The following EIPR1 variants were observed in gnomAD, a reference collection of about 807,000 sequenced individuals.
EIPR1 encodes EARP complex and GARP complex interacting protein 1, also known as EARP and GARP complex-interacting protein 1.
Under a neutral mutation model 48.1 loss-of-function variants are expected in EIPR1, and 25 were observed. That is an observed-to-expected ratio of 0.52 (90% CI 0.38 to 0.73). EIPR1 has a LOEUF of 0.73. Among genes scored for constraint, EIPR1 ranks in the 30% least tolerant of loss-of-function variants. The pLI, the probability that EIPR1 is intolerant of heterozygous loss-of-function variation, is 0.00. For missense variants in EIPR1, 415 were observed against 506.2 expected, an observed-to-expected ratio of 0.82 and a Z score of 1.73; for synonymous variants, 204 against 201.9, an observed-to-expected ratio of 1.01 and a Z score of -0.09.
At chr2:3,200,371 G>A (rs754699374) in intron 5 of EIPR1, among the ~76,000 whole-genome samples, 16 of 152,170 alleles carry the variant, frequency 1.1e-4, no homozygotes, top group Admixed American at 2.0e-4. Flanking sequence ...GGAAAAGCGC[G>A]GGGCTTTTGT....
chr2:3,320,450 C>T (rs1669491887), intron 3 of EIPR1: 1 of 153,734 alleles, frequency 6.5e-6, no homozygotes, highest in South Asian at 2.0e-4. Context: ...CAGCCCCCAG[C>T]AACTCTGCTT....
At chr2:3,311,753 A>AGGGGGCTCCACTCGCAGGATGCTGTGGTG (rs1444554472) in intron 3 of EIPR1, among the ~76,000 whole-genome samples, 1 of 110,376 alleles carries the variant, frequency 9.1e-6, no homozygotes, top group Non-Finnish European at 1.8e-5. Context: ...CCCAGGGTGC[A>AGGGGGCTCCACTCGCAGGATGCTGTGGTG]GGGGGCTCCA....
intron 3 of EIPR1, among the ~76,000 whole-genome samples, chr2:3,294,649 CCAAA>C (rs1558279442): frequency 2.1e-4 from 26 of 124,850 alleles, no homozygotes; most frequent in Admixed American, 3.2e-4. Context: ...CATCCTCTCT[CCAAA>C]CACACACCCT....
chr2:3,360,404 CAA>C (rs1386156001), intron 1 of EIPR1, among the ~76,000 whole-genome samples: 16 of 127,210 alleles, frequency 1.3e-4, no homozygotes, highest in Admixed American at 1.7e-4. Context: ...GACTCCATCT[CAA>C]AAAAAAAAAA....
chr2:3,295,601 G>GCACA (rs1668545721), intron 3 of EIPR1, among the ~76,000 whole-genome samples: 1 of 37,622 alleles, frequency 2.7e-5, no homozygotes, highest in Admixed American at 3.3e-4. Context: ...TCCTCTCTCT[G>GCACA]CACACCCTCC....
At chr2:3,200,820 G>A (rs1189970195) in intron 5 of EIPR1, among the ~76,000 whole-genome samples, 1 of 152,128 alleles carries the variant, frequency 6.6e-6, no homozygotes, top group Non-Finnish European at 1.5e-5. Flanking sequence ...GGGCAGGGCT[G>A]GAACCAAGCA....
chr2:3,283,034 G>T (rs62121494), intron 3 of EIPR1, among the ~76,000 whole-genome samples: 1 of 152,068 alleles, frequency 6.6e-6, no homozygotes, highest in Non-Finnish European at 1.5e-5. Flanking sequence ...GCTTTATTTT[G>T]CTTATTTATT....
At chr2:3,287,130 C>T (rs1469329653) in intron 3 of EIPR1, among the ~76,000 whole-genome samples, 2 of 152,240 alleles carry the variant, frequency 1.3e-5, no homozygotes, top group African/African-American at 2.4e-5. Context: ...GCACCAAGCT[C>T]GTTCACCACG....
chr2:3,361,934 C>T (rs1252990386), intron 1 of EIPR1, among the ~76,000 whole-genome samples: 2 of 152,274 alleles, frequency 1.3e-5, no homozygotes, highest in African/African-American at 4.8e-5. Flanking sequence ...TTTCTCCCTT[C>T]ACCTACATTT....
intron 1 of EIPR1, among the ~76,000 whole-genome samples, chr2:3,361,419 C>CCT (rs1558320129): frequency 1.3e-5 from 2 of 151,956 alleles, no homozygotes; most frequent in African/African-American, 4.8e-5. Context: ...TCTGCTCTCA[C>CCT]CTCTCTCTCT....
intron 5 of EIPR1, among the ~76,000 whole-genome samples, chr2:3,211,385 C>T (rs759238074): frequency 6.6e-6 from 1 of 152,144 alleles, no homozygotes; most frequent in Non-Finnish European, 1.5e-5. Context: ...TAGAACCCAC[C>T]GACCGCCCAC....
chr2:3,246,575 C>T (rs962046240), intron 4 of EIPR1, among the ~76,000 whole-genome samples: 1 of 152,128 alleles, frequency 6.6e-6, no homozygotes, highest in African/African-American at 2.4e-5. Context: ...TTGTCTTCCC[C>T]CAGAAACTGG....
At chr2:3,322,214 G>A (rs575583574) in intron 3 of EIPR1, among the ~76,000 whole-genome samples, 86 of 152,288 alleles carry the variant, frequency 5.6e-4, no homozygotes, top group Admixed American at 9.2e-4. Context: ...TGATGGTCAC[G>A]GTGAGGACCC....
intron 4 of EIPR1, among the ~76,000 whole-genome samples, chr2:3,234,904 A>G (rs6548133): frequency 0.91 from 139,230 of 152,310 alleles, 64,131 homozygotes; most frequent in East Asian, 0.97. Context: ...TTAGCTAACC[A>G]GCTGGTCCCG....
intron 3 of EIPR1, among the ~76,000 whole-genome samples, chr2:3,288,991 G>A (rs1168885279): frequency 1.3e-5 from 2 of 152,208 alleles, no homozygotes; most frequent in African/African-American, 4.8e-5. Context: ...CTGCACGGCC[G>A]TATCTCCCGC....
At chr2:3,228,430 T>C (rs2368684) in intron 4 of EIPR1, among the ~76,000 whole-genome samples, 139,248 of 152,308 alleles carry the variant, frequency 0.91, 64,151 homozygotes, top group East Asian at 0.98. Context: ...TAGGAAGTAA[T>C]TAAGTTGCTT....
At chr2:3,272,361 GGT>G (rs1667724831) in intron 3 of EIPR1, among the ~76,000 whole-genome samples, 1 of 152,276 alleles carries the variant, frequency 6.6e-6, no homozygotes, top group Non-Finnish European at 1.5e-5. Context: ...CCCGGCTCTT[GGT>G]CTACTTCAGC....
intron 2 of EIPR1, among the ~76,000 whole-genome samples, chr2:3,348,160 A>T (rs1239875050): frequency 1.3e-5 from 2 of 152,326 alleles, no homozygotes; most frequent in South Asian, 4.1e-4. Context: ...CCAGATGCAG[A>T]ACCGCGCAGC....
intron 3 of EIPR1, among the ~76,000 whole-genome samples, chr2:3,308,078 G>A (rs114209273): frequency 0.014 from 2,158 of 152,276 alleles, 48 homozygotes; most frequent in African/African-American, 0.049. Context: ...CGACGCTGTC[G>A]GCCGTGTGTG....
Sources: allele counts gnomAD v4.1 joint callset (sites outside exome capture counted in the v4.1 genomes callset), GRCh38; gene constraint gnomAD v4.1.1; transcripts MANE v1.5; gene names NCBI Gene and HGNC (gene_info 2026-07-23, HGNC 2026-07-21).